Variants in TSPAN9 observed in about 807,000 individuals in gnomAD.
TSPAN9 encodes tetraspanin-9.
A neutral mutation model predicts 31.0 loss-of-function variants in TSPAN9; 16 were observed. The ratio of observed to expected loss-of-function variants is 0.52; its 90% CI spans 0.35 to 0.78. TSPAN9 has a LOEUF of 0.78. Among genes scored for constraint, TSPAN9 ranks in the 30% least tolerant of loss-of-function variants. TSPAN9 has a pLI of 0.01. For missense variants in TSPAN9, 272 were observed against 312.5 expected, an observed-to-expected ratio of 0.87 and a Z score of 0.98; for synonymous variants, 145 against 121.6, an observed-to-expected ratio of 1.19 and a Z score of -1.27.
Position 3,147,028 on chromosome 12 carries a change from A to G in TSPAN9, c.-17-54149A>G, listed in dbSNP as rs181575065. Among the ~76,000 whole-genome samples, 22 of 152,266 alleles carry G rather than the reference A, an allele frequency of 1.4e-4. No homozygotes were observed. The highest frequency in any genetic ancestry group is 5.9e-4 in the Admixed American group (9 of 15,302). ...GTAGTATTTTGGACATCAAATGGGT[A>G]GATGTAAGTGAAAGTTCATTGTTGG... On this transcript the variant is annotated intron_variant, in intron 2 of 8. Transcript: ENST00000011898. The surrounding 1 kb of genome is among the most constrained non-coding windows in gnomAD (Gnocchi z 4.3).
At chr12:3,197,786 T>C (rs1268280481) in intron 2 of TSPAN9, among the ~76,000 whole-genome samples, 8 of 15,660 alleles carry the variant, frequency 5.1e-4, no homozygotes, top group East Asian at 3.6e-3. Flanking sequence ...CCAGCACAGG[T>C]CACCATCAGC....
chr12:3,087,641 A>G (rs2098301238), intron 2 of TSPAN9, among the ~76,000 whole-genome samples: 1 of 152,038 alleles, frequency 6.6e-6, no homozygotes, highest in Middle Eastern at 3.4e-3. Flanking sequence ...CCCCATCTCT[A>G]CTAAAAATAC....
At chr12:3,241,668 C>A (rs1406210599) in intron 3 of TSPAN9, among the ~76,000 whole-genome samples, 1 of 152,236 alleles carries the variant, frequency 6.6e-6, no homozygotes, top group African/African-American at 2.4e-5. Context: ...TTATCCCAGT[C>A]ATGGTCAGCA....
At chr12:3,248,025 T>A (rs1219246014) in intron 3 of TSPAN9, among the ~76,000 whole-genome samples, 3 of 152,234 alleles carry the variant, frequency 2.0e-5, no homozygotes, top group Non-Finnish European at 4.4e-5. Flanking sequence ...AGACTGACTG[T>A]CTGCTTGCCC....
At chr12:3,089,473 T>A (rs1335204555) in intron 2 of TSPAN9, among the ~76,000 whole-genome samples, 3 of 151,512 alleles carry the variant, frequency 2.0e-5, no homozygotes, top group Non-Finnish European at 2.9e-5. Flanking sequence ...ATTTTTGTAT[T>A]TTTAGTAGAG....
intron 2 of TSPAN9, among the ~76,000 whole-genome samples, chr12:3,140,993 A>T (rs1407752471): frequency 2.2e-5 from 3 of 134,228 alleles, no homozygotes; most frequent in Non-Finnish European, 4.7e-5. Flanking sequence ...GGCTGTGGGA[A>T]GTGTTGGGGT....
intron 3 of TSPAN9, among the ~76,000 whole-genome samples, chr12:3,277,192 A>G (rs1862804935): frequency 6.6e-6 from 1 of 152,202 alleles, no homozygotes; most frequent in African/African-American, 2.4e-5. Context: ...TTGCAAGCTC[A>G]CACCACCAGG....
intron 3 of TSPAN9, among the ~76,000 whole-genome samples, chr12:3,229,604 G>A (rs750435318): frequency 6.6e-6 from 1 of 152,228 alleles, no homozygotes; most frequent in South Asian, 2.1e-4. Flanking sequence ...GTGTATTTGA[G>A]GGCTGTGGCC....
intron 3 of TSPAN9, among the ~76,000 whole-genome samples, chr12:3,231,868 C>T (rs1004620422): frequency 1.3e-5 from 2 of 152,218 alleles, no homozygotes; most frequent in Non-Finnish European, 2.9e-5. Flanking sequence ...CCACCTTGCT[C>T]CTGACGCTCT....
chr12:3,257,837 C>T (rs1862378155), intron 3 of TSPAN9, among the ~76,000 whole-genome samples: 1 of 152,236 alleles, frequency 6.6e-6, no homozygotes, highest in African/African-American at 2.4e-5. Flanking sequence ...GGGTCTGATT[C>T]ATTCCTTCTG....
At chr12:3,080,484 G>A (rs1455328838) in intron 1 of TSPAN9, among the ~76,000 whole-genome samples, 7 of 151,922 alleles carry the variant, frequency 4.6e-5, no homozygotes, top group Non-Finnish European at 8.8e-5. Context: ...ACAGGCGCCC[G>A]CCATCACCCT....
intron 3 of TSPAN9, among the ~76,000 whole-genome samples, chr12:3,277,809 G>A (rs908627597): frequency 1.3e-5 from 2 of 152,166 alleles, no homozygotes; most frequent in Non-Finnish European, 2.9e-5. Context: ...GGACTCCCAC[G>A]TCCCGCACAC....
At chr12:3,156,905 G>C in intron 2 of TSPAN9, among the ~76,000 whole-genome samples, 1 of 152,150 alleles carries the variant, frequency 6.6e-6, no homozygotes, top group Non-Finnish European at 1.5e-5. Flanking sequence ...AGGGGGCAAG[G>C]GCTGAGAGCT....
chr12:3,226,732 GTGTGTGTGTGTGTATATATATATATA>G (rs2098387539), intron 3 of TSPAN9, among the ~76,000 whole-genome samples: 2 of 14,150 alleles, frequency 1.4e-4, no homozygotes, highest in African/African-American at 1.7e-4. Context: ...GTGTGTGTGT[GTGTGTGTGTGTGTATATATATATATA>G]TATATATATA....
intron 5 of TSPAN9, among the ~76,000 whole-genome samples, chr12:3,279,629 G>C (rs1445656928): frequency 1.3e-5 from 2 of 152,242 alleles, no homozygotes; most frequent in Non-Finnish European, 2.9e-5. Flanking sequence ...CAAGAGCGAG[G>C]TTGGCCGGGA....
intron 2 of TSPAN9, among the ~76,000 whole-genome samples, chr12:3,090,640 C>T (rs930556161): frequency 1.3e-5 from 2 of 152,200 alleles, no homozygotes; most frequent in African/African-American, 4.8e-5. Flanking sequence ...ACTCCAGGGG[C>T]GGGCAGACTC....
chr12:3,188,289 T>C (rs2098362472), intron 2 of TSPAN9, among the ~76,000 whole-genome samples: 1 of 152,226 alleles, frequency 6.6e-6, no homozygotes, highest in Non-Finnish European at 1.5e-5. Flanking sequence ...GAGCTGTCAG[T>C]GTCTCCCCGG....
Position 3,119,015 on chromosome 12 carries a change from A to AGC in TSPAN9, c.-18+35297_-18+35298dup, listed in dbSNP as rs138567585. 8.7e-3 allele frequency among the ~76,000 whole-genome samples: 1,319 copies of AGC among 152,276 alleles called. 20 individuals carry two copies. Among genetic ancestry groups the AGC allele is most frequent in the African/African-American group, 0.029 (1,200 of 41,546 alleles). ...ATGGAGTAGGGTGAAAATGGAGCTT[A>AGC]GCACCGCCTTTGGGACACTATCAGC... is the stretch of plus-strand genomic sequence containing the variant. On this transcript the variant is annotated intron_variant, in intron 2 of 8. Transcript: ENST00000011898.
chr12:3,248,450 C>T (rs887399884), intron 3 of TSPAN9, among the ~76,000 whole-genome samples: 1 of 152,126 alleles, frequency 6.6e-6, no homozygotes, highest in African/African-American at 2.4e-5. Context: ...TGTTCCTGAA[C>T]ATTACACTCC....
Sources: allele counts gnomAD v4.1 joint callset (sites outside exome capture counted in the v4.1 genomes callset), GRCh38; gene constraint gnomAD v4.1.1; non-coding constraint Gnocchi (gnomAD v3.1); transcripts MANE v1.5; gene names NCBI Gene and HGNC (gene_info 2026-07-23, HGNC 2026-07-21).